SZT2: variants seen among roughly 807,000 people sequenced by gnomAD.
The protein encoded by SZT2 is SZT2 subunit of KICSTOR complex.
In SZT2, 216 loss-of-function variants were observed where a neutral mutation model predicts 404.2. The ratio of observed to expected loss-of-function variants is 0.53; its 90% CI spans 0.48 to 0.60. The LOEUF (loss-of-function observed/expected upper bound fraction) is 0.60. Among genes scored for constraint, SZT2 ranks in the 20% least tolerant of loss-of-function variants. SZT2 has a pLI of 0.00. For missense variants in SZT2, 3,857 were observed against 4,459.2 expected (o/e 0.86, Z 3.85); for synonymous variants, 1,693 against 1,749.9 (o/e 0.97, Z 0.81).
Position 43,442,486 on chromosome 1 carries a change from A to G in SZT2, c.8019A>G (p.Ala2673=). Residue 2673 remains alanine, a synonymous_variant, in exon 58 of 72, where the codon GCA becomes GCG. Coordinates refer to ENST00000634258, the MANE Select transcript of SZT2 (RefSeq NM_001365999.1). This position sits in a 1 kb window ranked among gnomAD's most constrained non-coding sequence, Gnocchi z 4.5. ...ACTGGGCTCCAGACCTGGGGGCAGCATTGGGCCGAGCGCTGGTTCGCCTGG... is the reference window on the plus strand; with the variant it reads ...ACTGGGCTCCAGACCTGGGGGCAGCGTTGGGCCGAGCGCTGGTTCGCCTGG... ...TYNWAPDLGA[A]LGRALVRLVQ... is the part of the protein sequence containing the mutation. 3 of 1,614,146 alleles carry G rather than the reference A, an allele frequency of 1.9e-6. No individual in the cohort carries two copies. The highest frequency in any genetic ancestry group is 2.5e-6 in the Non-Finnish European group (3 of 1,179,982).
chr1:43,405,221 A>C (rs1255086668), intron 4 of SZT2: 1 of 152,290 alleles, frequency 6.6e-6, no homozygotes, highest in African/African-American at 2.4e-5. Flanking sequence ...CATGTTGGCC[A>C]GGCTGGTCTT....
In SZT2 at chr1:43,442,463, T is replaced by C; in HGVS notation, c.7996T>C (p.Trp2666Arg). The C allele has an allele frequency of 6.2e-7, 1 of 1,613,616 alleles. No individual in the cohort carries two copies. The highest frequency in any genetic ancestry group is 8.5e-7 in the Non-Finnish European group (1 of 1,179,640). Reference protein sequence around the residue: ...DKKLQLLTYNWAPDLGAALGR... With the variant: ...DKKLQLLTYNRAPDLGAALGR... ...CCAGCTACAGCTGCTGACCTACAAC[T>C]GGGCTCCAGACCTGGGGGCAGCATT... Residue 2666 changes from tryptophan (W) to arginine (R), a missense_variant, in exon 58 of 72, where the codon TGG becomes CGG. Trp to Arg is a moderately radical substitution (Grantham distance 101, BLOSUM62 -3). Around this residue, in one of 7 missense-constraint regions of SZT2, gnomAD observed 573 missense variants for 592.4 expected, o/e 0.97. Coordinates refer to ENST00000634258, the MANE Select transcript of SZT2 (RefSeq NM_001365999.1). This position sits in a 1 kb window ranked among gnomAD's most constrained non-coding sequence, Gnocchi z 4.5.
Position 43,439,517 on chromosome 1 carries a change from A to G in SZT2, c.6877+75A>G, listed in dbSNP as rs2153935401. The G allele has an allele frequency of 1.2e-6, 2 of 1,600,710 alleles. No individual in the cohort carries two copies. Among genetic ancestry groups the G allele is most frequent in the Admixed American group, 1.7e-5 (1 of 58,864 alleles). On this transcript the variant is annotated intron_variant, in intron 49 of 71. Coordinates refer to ENST00000634258, the MANE Select transcript of SZT2 (RefSeq NM_001365999.1). The surrounding 1 kb of genome is among the most constrained non-coding windows in gnomAD (Gnocchi z 4.2). ...TTTGTCATCCTATTGCTAAGAGGAC[A>G]TTTCCCAGGCTTGCAGCTGAGTGGA...
At chr1:43,406,581 A>C (rs899296467) in intron 4 of SZT2, 1 of 152,718 alleles carries the variant, frequency 6.5e-6, no homozygotes, top group African/African-American at 2.4e-5. Flanking sequence ...TAAAATTTGA[A>C]TGTGGAAAGG....
chr1:43,445,832 G>T, intron 62 of SZT2, 62 bp from the exon 63 acceptor site: 1 of 1,501,012 alleles, frequency 6.7e-7, no homozygotes, highest in South Asian at 1.1e-5. Flanking sequence ...TTCTGGGTCT[G>T]ATCACCATGA....
intron 28 of SZT2, chr1:43,429,437 T>C (rs1358598234): frequency 2.4e-5 from 9 of 382,758 alleles, no homozygotes; most frequent in Non-Finnish European, 3.4e-5. Context: ...AGAAGGCAAG[T>C]GGTGATGGCG....
At chr1:43,449,893 C>CA (rs1327825444) in intron 70 of SZT2, 1 of 634,610 alleles carries the variant, frequency 1.6e-6, no homozygotes, top group Non-Finnish European at 2.8e-6. Context: ...TGTTACCCCT[C>CA]ATTCTGATGC....
chr1:43,423,258 C>A lies in SZT2; in HGVS notation c.2197C>A (p.Leu733Met). Reference sequence around the variant, plus strand: ...CCCCGTGCTGGGGCCACAGCAGGCCCTGTCTGACCGGCCCTGCCTTGTGGT... The same window carrying A: ...CCCCGTGCTGGGGCCACAGCAGGCCATGTCTGACCGGCCCTGCCTTGTGGT... Reference protein sequence around the residue: ...SPPVLGPQQALSDRPCLVVLH... With the variant: ...SPPVLGPQQAMSDRPCLVVLH... Residue 733 changes from leucine (L) to methionine (M), a missense_variant, in exon 15 of 72, where the codon CTG (leucine) becomes ATG (methionine). By Grantham distance (15) the Leu-to-Met change is conservative. Transcript: ENST00000634258. The A allele has an allele frequency of 1.3e-6, 2 of 1,580,038 alleles. No individual in the cohort carries two copies. Among genetic ancestry groups the A allele is most frequent in the Non-Finnish European group, 8.5e-7 (1 of 1,170,534 alleles).
rs1655295794 is a variant in SZT2 at position 43,443,397 on chromosome 1, T to G, written c.8545T>G (p.Tyr2849Asp). Reference protein sequence around the residue: ...TLKQSSRLVHYCATAMLFDPA... With the variant: ...TLKQSSRLVHDCATAMLFDPA... Reference sequence around the variant, plus strand: ...GAAGCAGTCATCCCGCCTGGTGCATTACTGTGCAACAGCCATGCTCTTCGA... The same window carrying G: ...GAAGCAGTCATCCCGCCTGGTGCATGACTGTGCAACAGCCATGCTCTTCGA... Residue 2849 changes from tyrosine to aspartate, a missense_variant, in exon 61 of 72, where the codon TAC (tyrosine) becomes GAC (aspartate). By Grantham distance (160) the Tyr-to-Asp change is radical. Coordinates refer to ENST00000634258, the MANE Select transcript of SZT2 (RefSeq NM_001365999.1). The G allele has an allele frequency of 6.2e-7, 1 of 1,614,022 alleles. No homozygotes were observed. The highest frequency in any genetic ancestry group is 1.3e-5 in the African/African-American group (1 of 74,920).
chr1:43,412,391 G>A (rs1651166425), intron 4 of SZT2: 1 of 152,224 alleles, frequency 6.6e-6, no homozygotes, highest in African/African-American at 2.4e-5. Context: ...GATCTCTTGG[G>A]CTTAAGTGAT....
intron 1 of SZT2, among the ~76,000 whole-genome samples, chr1:43,402,857 G>A (rs1324575697): frequency 6.6e-6 from 1 of 152,106 alleles, no homozygotes; most frequent in African/African-American, 2.4e-5. Context: ...CAAGCACAGG[G>A]GCACAAAAGT....
Position 43,442,563 on chromosome 1 carries a change from A to T in SZT2, c.8096A>T (p.Lys2699Met). Residue 2699 changes from lysine to methionine, a missense_variant, in exon 58 of 72, where the codon AAG becomes ATG. This residue lies in a region of SZT2 where 573 missense variants were observed against 592.4 expected (regional missense o/e 0.97). Transcript: ENST00000634258. This position sits in a 1 kb window ranked among gnomAD's most constrained non-coding sequence, Gnocchi z 4.5. ...AHLIFCLLSQ[K>M]LGLFHHYGQL... ...CTCATCTTCTGCCTACTCAGCCAGA[A>T]GCTTGGCCTCTTCCATCATTATGGC... 1 of 1,613,796 alleles carries T rather than the reference A, an allele frequency of 6.2e-7. No individual in the cohort carries two copies. Among genetic ancestry groups the T allele is most frequent in the Non-Finnish European group, 8.5e-7 (1 of 1,179,828 alleles).
chr1:43,453,777 A>G lies in SZT2; in HGVS notation c.*3297A>G. 7.7e-7 allele frequency: 1 copy of G among 1,291,086 alleles called. No individual in the cohort carries two copies. The highest frequency in any genetic ancestry group is 9.8e-7 in the Non-Finnish European group (1 of 1,022,674). 80.0% of individuals were successfully genotyped at this position (1,291,086 alleles called of 1,614,324 possible). Reference sequence around the variant, plus strand: ...GAATAGCCAGGACAGATTGGCGGAGAAGCGCAGCGGCGCCATGCCTGGGGA... The same window carrying G: ...GAATAGCCAGGACAGATTGGCGGAGGAGCGCAGCGGCGCCATGCCTGGGGA... On this transcript the variant is annotated 3_prime_UTR_variant, in exon 72 of 72. Coordinates refer to ENST00000634258, the MANE Select transcript of SZT2 (RefSeq NM_001365999.1).
In SZT2 at chr1:43,452,272, G is replaced by C. The variant is rs978399173; in HGVS notation, c.*1792G>C. 1 of 1,614,104 alleles carries C rather than the reference G, an allele frequency of 6.2e-7. No individual in the cohort carries two copies. On this transcript the variant is annotated 3_prime_UTR_variant, in exon 72 of 72. Transcript: ENST00000634258. ...AACGGCCTCCATCTCAGCCTTGACT[G>C]CTATTCGATCAGCTCCCTGGGGTAC... is the stretch of plus-strand genomic sequence containing the variant.
intron 13 of SZT2, 28 bp from the exon 14 acceptor site, chr1:43,422,741 C>A: frequency 3.3e-6 from 5 of 1,521,426 alleles, no homozygotes; most frequent in Non-Finnish European, 4.4e-6. Context: ...CAACCTTGGG[C>A]TGCTCACTGA....
Position 43,432,974 on chromosome 1 carries a change from A to G in SZT2, c.5603-15A>G, listed in dbSNP as rs373524704. ...CAGCTTCGGATGGGATTGACCTTCA[A>G]TGCATCTGACACAGGTTATGATGGT... On this transcript the variant is annotated splice_polypyrimidine_tract_variant and intron_variant, in intron 39 of 71. Coordinates refer to ENST00000634258, the MANE Select transcript of SZT2 (RefSeq NM_001365999.1). The G allele has an allele frequency of 1.3e-4, 205 of 1,613,658 alleles. 1 individual carries two copies. Among genetic ancestry groups the G allele is most frequent in the Non-Finnish European group, 2.3e-5 (27 of 1,179,902 alleles).
In SZT2 at chr1:43,437,754, T is replaced by G; in HGVS notation, c.6397-37T>G. On this transcript the variant is annotated intron_variant, in intron 45 of 71. Coordinates refer to ENST00000634258, the MANE Select transcript of SZT2 (RefSeq NM_001365999.1). The surrounding 1 kb of genome is among the most constrained non-coding windows in gnomAD (Gnocchi z 5.3). ...CCTGTGTTCCTCTTGCACTTTGCTC[T>G]CTGGAACCGGGGCCCTGACCACAGT... 6.2e-7 allele frequency: 1 copy of G among 1,614,124 alleles called. No homozygotes were observed. The highest frequency in any genetic ancestry group is 8.5e-7 in the Non-Finnish European group (1 of 1,179,988).
chr1:43,390,213 G>C (rs1648117940), intron 1 of SZT2, among the ~76,000 whole-genome samples: 1 of 152,224 alleles, frequency 6.6e-6, no homozygotes, highest in African/African-American at 2.4e-5. Context: ...GTAACTGTTC[G>C]CTTTGTTTTG....
chr1:43,451,621 T>TG lies in SZT2; in HGVS notation c.*1144dup. 1 of 1,613,482 alleles carries TG rather than the reference T, an allele frequency of 6.2e-7. No individual in the cohort carries two copies. Among genetic ancestry groups the TG allele is most frequent in the Non-Finnish European group, 8.5e-7 (1 of 1,179,802 alleles). On this transcript the variant is annotated 3_prime_UTR_variant, in exon 72 of 72. Coordinates refer to ENST00000634258, the MANE Select transcript of SZT2 (RefSeq NM_001365999.1). ...AGGACAGATGTGGGGATTGAAAGGGTGGGAGGGCAAAGGAAGGTCCTCTCA... is the reference window on the plus strand; with the variant it reads ...AGGACAGATGTGGGGATTGAAAGGGTGGGGAGGGCAAAGGAAGGTCCTCTCA...
Sources: allele counts gnomAD v4.1 joint callset (sites outside exome capture counted in the v4.1 genomes callset), GRCh38; gene constraint gnomAD v4.1.1; regional missense constraint gnomAD v4.1.1; non-coding constraint Gnocchi (gnomAD v3.1); transcripts MANE v1.5; gene names NCBI Gene and HGNC (gene_info 2026-07-23, HGNC 2026-07-21).